BCKDHB: variants seen among roughly 807,000 people sequenced by gnomAD.
BCKDHB encodes 2-oxoisovalerate dehydrogenase subunit beta, mitochondrial.
Under a neutral mutation model 48.5 loss-of-function variants are expected in BCKDHB, and 41 were observed. That is an observed-to-expected ratio of 0.85 (90% CI 0.66 to 1.10). The LOEUF is 1.10. BCKDHB is among the 50% of genes least tolerant of loss of function. The probability of loss-of-function intolerance (pLI) is 0.00; values close to 1 mark genes in which losing one functional copy is unlikely to be tolerated. For synonymous variants in BCKDHB, 201 were observed against 174.8 expected, an observed-to-expected ratio of 1.15 and a Z score of -1.18; for missense variants, 496 against 494.2, an observed-to-expected ratio of 1.00 and a Z score of -0.03.
At chr6:80,185,769 T>G (rs1028975909) in intron 6 of BCKDHB, among the ~76,000 whole-genome samples, 1 of 152,144 alleles carries the variant, frequency 6.6e-6, no homozygotes, top group Non-Finnish European at 1.5e-5. Context: ...TCCTGTGAGG[T>G]GATATGTCTT....
intron 6 of BCKDHB, among the ~76,000 whole-genome samples, chr6:80,182,119 A>G (rs953552188): frequency 1.3e-5 from 2 of 152,214 alleles, no homozygotes; most frequent in Admixed American, 6.5e-5. Flanking sequence ...TTAAAATCGC[A>G]TGGTAGCATT....
At chr6:80,402,188 T>C in the BCKDHB span, among the ~76,000 whole-genome samples, 5 of 151,766 alleles carry the variant, frequency 3.3e-5, no homozygotes, top group Non-Finnish European at 5.9e-5. Flanking sequence ...TTTAAGGAAC[T>C]CCATACTTTT....
chr6:80,148,764 A>G (rs1165072380), intron 3 of BCKDHB, among the ~76,000 whole-genome samples: 1 of 152,214 alleles, frequency 6.6e-6, no homozygotes, highest in East Asian at 1.9e-4. Context: ...CTGGCTAGCC[A>G]TATGTAGAAA....
At chr6:80,169,160 G>A in intron 5 of BCKDHB, 130 bp downstream of exon 5, 1 of 1,257,560 alleles carries the variant, frequency 8.0e-7, no homozygotes, top group Non-Finnish European at 1.1e-6. Context: ...GAACTTAACT[G>A]TATTTAAGAA....
At chr6:80,360,969 A>G in the BCKDHB span, among the ~76,000 whole-genome samples, 3 of 143,026 alleles carry the variant, frequency 2.1e-5, no homozygotes, top group Non-Finnish European at 4.5e-5. Context: ...CCACCACTGC[A>G]CTCCAGCCTG....
chr6:80,288,475 G>A (rs1234489465), intron 9 of BCKDHB, among the ~76,000 whole-genome samples: 1 of 151,950 alleles, frequency 6.6e-6, no homozygotes, highest in African/African-American at 2.4e-5. Flanking sequence ...GATGAGAAAA[G>A]CCCATTTGGC....
At chr6:80,402,981 G>A in the BCKDHB span, among the ~76,000 whole-genome samples, 5 of 151,724 alleles carry the variant, frequency 3.3e-5, no homozygotes, top group African/African-American at 7.2e-5. Context: ...TTTTATAACA[G>A]TATCACACTG....
At chr6:80,459,607 G>A in the BCKDHB span, among the ~76,000 whole-genome samples, 2 of 151,018 alleles carry the variant, frequency 1.3e-5, no homozygotes, top group South Asian at 2.1e-4. Flanking sequence ...TTGTGTTGAG[G>A]GTAGATATTA....
chr6:80,343,508 T>C lies in BCKDHB; in HGVS notation c.1039-156T>C, dbSNP rs138750797. ...TAAAACTGGGATCATGCGAACATGC[T>C]GTTACCTGCTTTTTTCATATTACAG... is the stretch of plus-strand genomic sequence containing the variant. On this transcript the variant is annotated intron_variant, in intron 9 of 9. Coordinates refer to ENST00000320393, the MANE Select transcript of BCKDHB (RefSeq NM_183050.4). The C allele has an allele frequency of 3.8e-6, 3 of 794,784 alleles. No individual in the cohort carries two copies. The Admixed American group carries it at 7.4e-5, about 20-fold the overall frequency. 49.2% of individuals were successfully genotyped at this position (794,784 alleles called of 1,614,324 possible). A position where few individuals can be genotyped will look rare whatever the true frequency, so the allele number is the denominator to read the frequency against.
chr6:80,318,776 C>A (rs1213978883), intron 9 of BCKDHB, among the ~76,000 whole-genome samples: 2 of 150,608 alleles, frequency 1.3e-5, no homozygotes, highest in Admixed American at 1.3e-4. Flanking sequence ...GTTTCCTAGG[C>A]AACACAGTGT....
the BCKDHB span, among the ~76,000 whole-genome samples, chr6:80,376,201 GGT>G: frequency 6.6e-6 from 1 of 151,946 alleles, no homozygotes; most frequent in African/African-American, 2.4e-5. Context: ...GGGGGATGGG[GGT>G]GTGGTTCCCA....
chr6:80,188,032 G>A (rs1773726097), intron 6 of BCKDHB, among the ~76,000 whole-genome samples: 1 of 152,168 alleles, frequency 6.6e-6, no homozygotes, highest in Non-Finnish European at 1.5e-5. Context: ...GCACGTTTAT[G>A]TTCACTGCAG....
At chr6:80,325,758 G>C (rs1436567651) in intron 9 of BCKDHB, among the ~76,000 whole-genome samples, 4 of 152,116 alleles carry the variant, frequency 2.6e-5, no homozygotes, top group African/African-American at 4.8e-5. Context: ...ATTAAAGTTT[G>C]GGATTAAAAA....
the BCKDHB span, among the ~76,000 whole-genome samples, chr6:80,368,342 A>G: frequency 6.6e-6 from 1 of 152,220 alleles, no homozygotes; most frequent in Non-Finnish European, 1.5e-5. Context: ...TAGTTGCTCA[A>G]TATACACTGC....
chr6:80,251,429 C>G (rs1471643348), intron 8 of BCKDHB, among the ~76,000 whole-genome samples: 3 of 152,164 alleles, frequency 2.0e-5, no homozygotes, highest in Non-Finnish European at 4.4e-5. Context: ...TGAACACAGT[C>G]TGTCACAGGG....
At chr6:80,307,387 T>A (rs943298599) in intron 9 of BCKDHB, 26 of 967,766 alleles carry the variant, frequency 2.7e-5, no homozygotes, top group Non-Finnish European at 2.8e-5. Flanking sequence ...TTTTTCCATA[T>A]TCTAAAATTG....
the BCKDHB span, among the ~76,000 whole-genome samples, chr6:80,357,278 A>G: frequency 6.6e-6 from 1 of 152,138 alleles, no homozygotes; most frequent in East Asian, 1.9e-4. Context: ...CCTGGAACCT[A>G]GTGAGAGCTA....
the BCKDHB span, among the ~76,000 whole-genome samples, chr6:80,378,058 A>AT: frequency 0.021 from 3,226 of 151,884 alleles, 69 homozygotes; most frequent in South Asian, 0.072. Context: ...TTACTGCAAA[A>AT]TTTTTTCTTT....
At chr6:80,168,780 G>GGGAAGGAA (rs768378855) in intron 4 of BCKDHB, 95 bp from the exon 5 acceptor site, 266 of 1,089,996 alleles carry the variant, frequency 2.4e-4, no homozygotes, top group African/African-American at 4.0e-4. Flanking sequence ...GCCTTGGGAA[G>GGGAAGGAA]GGAAGGAAGG....
Sources: gnomAD v4.1 joint callset for allele counts (sites outside exome capture counted in the v4.1 genomes callset) on GRCh38, gnomAD v4.1.1 for gene constraint, MANE v1.5 for transcripts, NCBI Gene and HGNC (gene_info 2026-07-23, HGNC 2026-07-21) for gene names.